C1orf21: variants seen among roughly 807,000 people sequenced by gnomAD.
C1orf21 encodes the protein chromosome 1 open reading frame 21, also known as uncharacterized protein C1orf21.
In C1orf21, 3 loss-of-function variants were observed where a neutral mutation model predicts 18.7. The observed-to-expected ratio is 0.16, with a 90% CI of 0.07 to 0.42. The LOEUF is 0.42. C1orf21 is among the 10% of genes least tolerant of loss of function. The probability of loss-of-function intolerance (pLI) is 0.99; values close to 1 mark genes in which losing one functional copy is unlikely to be tolerated. For missense variants in C1orf21, 104 were observed against 143.6 expected (o/e 0.72, Z 1.41); for synonymous variants, 41 against 46.4 (o/e 0.88, Z 0.47).
intron 3 of C1orf21, among the ~76,000 whole-genome samples, chr1:184,541,655 A>G (rs1185100844): frequency 1.3e-5 from 2 of 152,188 alleles, no homozygotes; most frequent in South Asian, 4.1e-4. Context: ...AAAGAATCTT[A>G]ATTGTTTACA....
At chr1:184,572,653 T>A (rs1390685761) in intron 3 of C1orf21, among the ~76,000 whole-genome samples, 2 of 152,112 alleles carry the variant, frequency 1.3e-5, no homozygotes, top group Non-Finnish European at 2.9e-5. Flanking sequence ...AAGATTTTTT[T>A]TAAAAAAATT....
intron 2 of C1orf21, among the ~76,000 whole-genome samples, chr1:184,491,036 T>C (rs887547377): frequency 2.6e-5 from 4 of 152,110 alleles, no homozygotes; most frequent in African/African-American, 9.7e-5. Context: ...AACTGATAGG[T>C]TCCTCATTTG....
intron 1 of C1orf21, among the ~76,000 whole-genome samples, chr1:184,434,129 A>C (rs745837554): frequency 7.2e-5 from 11 of 152,030 alleles, no homozygotes; most frequent in Non-Finnish European, 1.6e-4. Flanking sequence ...CATGACAGGG[A>C]TGGTTTCCTA....
intron 3 of C1orf21, among the ~76,000 whole-genome samples, chr1:184,527,117 A>C (rs1658389028): frequency 6.6e-6 from 1 of 152,180 alleles, no homozygotes; most frequent in Non-Finnish European, 1.5e-5. Context: ...TCTGTGAAAA[A>C]CAGTATCGAG....
At chr1:184,455,082 C>T (rs1391955258) in intron 1 of C1orf21, among the ~76,000 whole-genome samples, 14 of 152,116 alleles carry the variant, frequency 9.2e-5, no homozygotes, top group Non-Finnish European at 2.1e-4. Context: ...ATCTGCATTT[C>T]TGATCAGTTC....
chr1:184,390,096 A>G (rs1026115132), intron 1 of C1orf21, among the ~76,000 whole-genome samples: 3 of 152,252 alleles, frequency 2.0e-5, no homozygotes, highest in African/African-American at 7.2e-5. Context: ...GCCAGTTAAC[A>G]GAGAAATTGG....
At chr1:184,461,455 A>G (rs1277047944) in intron 1 of C1orf21, among the ~76,000 whole-genome samples, 1 of 152,124 alleles carries the variant, frequency 6.6e-6, no homozygotes, top group Non-Finnish European at 1.5e-5. Flanking sequence ...CCTCCCAAAG[A>G]TGTGTCTTAT....
intron 3 of C1orf21, among the ~76,000 whole-genome samples, chr1:184,514,540 A>G (rs531163047): frequency 3.3e-5 from 5 of 152,166 alleles, no homozygotes; most frequent in Non-Finnish European, 7.3e-5. Context: ...GAAAATAGGT[A>G]TTCAAATACT....
At chr1:184,543,112 A>G (rs978772345) in intron 3 of C1orf21, among the ~76,000 whole-genome samples, 2 of 152,112 alleles carry the variant, frequency 1.3e-5, no homozygotes, top group African/African-American at 4.8e-5. Flanking sequence ...GCACTTTGGG[A>G]TGCTGTGGCA....
chr1:184,619,813 C>G lies in C1orf21; in HGVS notation c.*257C>G. 2 of 390,844 alleles carry G rather than the reference C, an allele frequency of 5.1e-6. No homozygotes were observed. Among genetic ancestry groups the G allele is most frequent in the Middle Eastern group, 4.8e-4 (1 of 2,074 alleles). 24.2% of individuals were successfully genotyped at this position (390,844 alleles called of 1,614,324 possible). A position where few individuals can be genotyped will look rare whatever the true frequency, so the allele number is the denominator to read the frequency against. On this transcript the variant is annotated 3_prime_UTR_variant, in exon 6 of 6. Transcript: ENST00000235307. ...AAACTTGTTGCAACTTTTCACTTCT[C>G]TTGTGTCCAGGTATGCAGCAAAATT...
chr1:184,480,519 A>C (rs1368633985), intron 2 of C1orf21, among the ~76,000 whole-genome samples: 1 of 152,166 alleles, frequency 6.6e-6, no homozygotes, highest in African/African-American at 2.4e-5. Flanking sequence ...GGAAGACTCT[A>C]TTGTTCTAAA....
At chr1:184,572,416 A>G (rs1659125663) in intron 3 of C1orf21, among the ~76,000 whole-genome samples, 1 of 152,202 alleles carries the variant, frequency 6.6e-6, no homozygotes, top group South Asian at 2.1e-4. Context: ...CTGTTTTGTA[A>G]GCATGTTTTC....
At chr1:184,408,403 T>C (rs913503878) in intron 1 of C1orf21, 1 of 152,204 alleles carries the variant, frequency 6.6e-6, no homozygotes, top group African/African-American at 2.4e-5. Context: ...GCCAGCCGAA[T>C]GAACAGAGAA....
At chr1:184,535,104 G>A (rs1162120308) in intron 3 of C1orf21, among the ~76,000 whole-genome samples, 1 of 151,960 alleles carries the variant, frequency 6.6e-6, no homozygotes, top group African/African-American at 2.4e-5. Flanking sequence ...ACATTAACTG[G>A]CATTGAAGAT....
intron 1 of C1orf21, among the ~76,000 whole-genome samples, chr1:184,389,416 C>G (rs774252881): frequency 6.6e-6 from 1 of 152,126 alleles, no homozygotes; most frequent in Non-Finnish European, 1.5e-5. Flanking sequence ...AATTTAACTC[C>G]GAGTTTAGAA....
intron 1 of C1orf21, among the ~76,000 whole-genome samples, chr1:184,452,991 T>C (rs1277098570): frequency 1.3e-5 from 2 of 152,150 alleles, no homozygotes; most frequent in Non-Finnish European, 2.9e-5. Context: ...ATTGAAAGGA[T>C]TGATGTGTTC....
chr1:184,485,863 T>G (rs1346719364), intron 2 of C1orf21, among the ~76,000 whole-genome samples: 1 of 152,206 alleles, frequency 6.6e-6, no homozygotes, highest in East Asian at 1.9e-4. Flanking sequence ...AAATCATGTT[T>G]CCCTTTTTCT....
rs1016425574 is a variant in C1orf21 at position 184,426,780 on chromosome 1, G to T, written c.-125+39412G>T. Among the ~76,000 whole-genome samples, 4 of 152,140 alleles carry T rather than the reference G, an allele frequency of 2.6e-5. No individual in the cohort carries two copies. In the East Asian group the frequency reaches 7.7e-4, roughly 29 times the overall value. ...TCTAAATTCCCTGGGAGCAGGCAGG[G>T]ACCTTGTCTGTCTAACCAAGGCATA... On this transcript the variant is annotated intron_variant, in intron 1 of 5. Transcript: ENST00000235307.
At chr1:184,401,505 G>T (rs1018551627) in intron 1 of C1orf21, among the ~76,000 whole-genome samples, 1 of 152,184 alleles carries the variant, frequency 6.6e-6, no homozygotes, top group Admixed American at 6.5e-5. Context: ...GGGATTACAG[G>T]TGTGAGCCAC....
Sources: allele counts gnomAD v4.1 joint callset (sites outside exome capture counted in the v4.1 genomes callset), GRCh38; gene constraint gnomAD v4.1.1; transcripts MANE v1.5; gene names NCBI Gene and HGNC (gene_info 2026-07-23, HGNC 2026-07-21).